NKAIN3: variants seen among roughly 807,000 people sequenced by gnomAD.
The protein encoded by NKAIN3 is sodium/potassium transporting ATPase interacting 3, also known as sodium/potassium-transporting ATPase subunit beta-1-interacting protein 3.
A neutral mutation model predicts 30.2 loss-of-function variants in NKAIN3; 25 were observed. The observed-to-expected ratio is 0.83, with a 90% confidence interval of 0.60 to 1.16. The LOEUF (loss-of-function observed/expected upper bound fraction) is 1.16. Ranked by LOEUF, NKAIN3 falls within the 50% of genes most tolerant of loss-of-function variation. The pLI is 0.00. For synonymous variants in NKAIN3, 91 were observed against 89.6 expected, an observed-to-expected ratio of 1.02 and a Z score of -0.09; for missense variants, 225 against 254.1, an observed-to-expected ratio of 0.89 and a Z score of 0.78.
chr8:62,510,514 G>A (rs568882792), intron 1 of NKAIN3, among the ~76,000 whole-genome samples: 1 of 152,216 alleles, frequency 6.6e-6, no homozygotes, highest in East Asian at 1.9e-4. Context: ...TCGCTGGGAA[G>A]GTGATGGGTT....
chr8:62,324,041 T>A (rs1193370823), intron 1 of NKAIN3, among the ~76,000 whole-genome samples: 1 of 152,132 alleles, frequency 6.6e-6, no homozygotes, highest in Non-Finnish European at 1.5e-5. Flanking sequence ...ATTGTAATGA[T>A]GGGCACTTAC....
chr8:62,395,268 C>G (rs1214337153), intron 1 of NKAIN3, among the ~76,000 whole-genome samples: 3 of 149,872 alleles, frequency 2.0e-5, no homozygotes, highest in Non-Finnish European at 4.5e-5. Flanking sequence ...CCTCACTTCC[C>G]AGACATTGCG....
At chr8:62,755,949 C>A (rs1816438046) in intron 4 of NKAIN3, among the ~76,000 whole-genome samples, 1 of 152,114 alleles carries the variant, frequency 6.6e-6, no homozygotes, top group Admixed American at 6.6e-5. Flanking sequence ...AGCCAGGGTA[C>A]ACCTGGTCAG....
intron 1 of NKAIN3, among the ~76,000 whole-genome samples, chr8:62,477,937 A>G (rs1806573210): frequency 1.3e-5 from 2 of 152,202 alleles, no homozygotes. Flanking sequence ...AGCTAAAATC[A>G]ATACATATAT....
At chr8:62,636,166 A>T (rs1298638435) in intron 3 of NKAIN3, among the ~76,000 whole-genome samples, 1 of 152,200 alleles carries the variant, frequency 6.6e-6, no homozygotes, top group Non-Finnish European at 1.5e-5. Context: ...TGAGAATTGT[A>T]CTTTGAGAAG....
At chr8:62,757,686 G>A (rs114242118) in intron 4 of NKAIN3, among the ~76,000 whole-genome samples, 2,534 of 152,258 alleles carry the variant, frequency 0.017, 67 homozygotes, top group African/African-American at 0.059. Context: ...AAGGGAAAAG[G>A]AATTCTATAC....
At chr8:62,587,489 A>G (rs1050928735) in intron 2 of NKAIN3, among the ~76,000 whole-genome samples, 4 of 151,934 alleles carry the variant, frequency 2.6e-5, no homozygotes, top group Non-Finnish European at 5.9e-5. Context: ...TAATTTGGGG[A>G]ATTGGTCATT....
intron 4 of NKAIN3, among the ~76,000 whole-genome samples, chr8:62,873,702 A>G (rs917250367): frequency 6.6e-6 from 1 of 151,970 alleles, no homozygotes; most frequent in Non-Finnish European, 1.5e-5. Flanking sequence ...ACACAATTAC[A>G]TGGAAACTGA....
chr8:62,671,918 C>T (rs1563510197), intron 3 of NKAIN3, among the ~76,000 whole-genome samples: 2 of 151,992 alleles, frequency 1.3e-5, no homozygotes, highest in Non-Finnish European at 2.9e-5. Context: ...AGAAGAAGAC[C>T]TAGGATTCGG....
chr8:62,749,213 G>T (rs151109989), intron 4 of NKAIN3, among the ~76,000 whole-genome samples: 5 of 152,234 alleles, frequency 3.3e-5, no homozygotes, highest in Admixed American at 6.5e-5. Flanking sequence ...GCAGCAGGAC[G>T]CTTGGAATCC....
At chr8:62,529,966 C>T (rs1342562449) in intron 1 of NKAIN3, among the ~76,000 whole-genome samples, 3 of 152,162 alleles carry the variant, frequency 2.0e-5, no homozygotes, top group African/African-American at 7.2e-5. Flanking sequence ...TGAGATTTCT[C>T]CTGGCTCGGC....
At chr8:62,798,191 CAG>C (rs1036599018) in intron 4 of NKAIN3, among the ~76,000 whole-genome samples, 5 of 152,086 alleles carry the variant, frequency 3.3e-5, no homozygotes, top group Non-Finnish European at 4.4e-5. Context: ...CAGCACCTTG[CAG>C]AGTTTGGGGG....
intron 1 of NKAIN3, among the ~76,000 whole-genome samples, chr8:62,488,497 T>C (rs1806971212): frequency 6.6e-6 from 1 of 152,190 alleles, no homozygotes; most frequent in Non-Finnish European, 1.5e-5. Flanking sequence ...TTCATCTTCA[T>C]ATCCCTATTG....
At chr8:62,375,128 T>C (rs1490034788) in intron 1 of NKAIN3, among the ~76,000 whole-genome samples, 1 of 152,324 alleles carries the variant, frequency 6.6e-6, no homozygotes, top group African/African-American at 2.4e-5. Context: ...CTTACACATT[T>C]TGAATTAACC....
intron 6 of NKAIN3, among the ~76,000 whole-genome samples, chr8:62,958,121 C>A (rs181067017): frequency 4.6e-5 from 7 of 152,148 alleles, no homozygotes; most frequent in African/African-American, 1.7e-4. Context: ...CTACAGAAGA[C>A]AAAGTTGAAG....
At chr8:62,795,999 T>G (rs953260048) in intron 4 of NKAIN3, among the ~76,000 whole-genome samples, 1 of 152,086 alleles carries the variant, frequency 6.6e-6, no homozygotes, top group African/African-American at 2.4e-5. Flanking sequence ...TTTAAAAGTG[T>G]TGATTTGGCC....
intron 1 of NKAIN3, among the ~76,000 whole-genome samples, chr8:62,397,667 T>C (rs1460271791): frequency 1.3e-5 from 2 of 152,180 alleles, no homozygotes; most frequent in Non-Finnish European, 2.9e-5. Flanking sequence ...TACATAAGGC[T>C]AACTCTGAAT....
chr8:62,795,641 C>T (rs1329652435), intron 4 of NKAIN3, among the ~76,000 whole-genome samples: 2 of 152,040 alleles, frequency 1.3e-5, no homozygotes, highest in African/African-American at 2.4e-5. Context: ...GAATTAGTAA[C>T]AATAATGTCT....
intron 1 of NKAIN3, among the ~76,000 whole-genome samples, chr8:62,325,264 G>A (rs1254821643): frequency 6.6e-6 from 1 of 152,056 alleles, no homozygotes; most frequent in Non-Finnish European, 1.5e-5. Context: ...ACTTCACTTA[G>A]AGTAATGTCC....
Sources: gnomAD v4.1 joint callset for allele counts (sites outside exome capture counted in the v4.1 genomes callset) on GRCh38, gnomAD v4.1.1 for gene constraint, MANE v1.5 for transcripts, NCBI Gene and HGNC (gene_info 2026-07-23, HGNC 2026-07-21) for gene names.